Variants in SLC26A2 observed in about 807,000 individuals in gnomAD.
SLC26A2 encodes the protein sulfate transporter.
A neutral mutation model predicts 41.1 loss-of-function variants in SLC26A2; 36 were observed. The ratio of observed to expected loss-of-function variants is 0.88; its 90% CI spans 0.67 to 1.16. SLC26A2 has a LOEUF of 1.16. SLC26A2 is among the 50% of genes most tolerant of loss of function. The probability of loss-of-function intolerance (pLI) is 0.00; values close to 1 mark genes in which losing one functional copy is unlikely to be tolerated. For synonymous variants in SLC26A2, 291 were observed against 311.6 expected, an observed-to-expected ratio of 0.93 and a Z score of 0.70; for missense variants, 796 against 869.6, an observed-to-expected ratio of 0.92 and a Z score of 1.07.
Position 149,960,809 on chromosome 5 carries a change from G to T in SLC26A2, c.-196G>T, listed in dbSNP as rs1043216601. 6.6e-6 allele frequency: 1 copy of T among 152,364 alleles called. No homozygotes were observed. Among genetic ancestry groups the T allele is most frequent in the Admixed American group, 6.5e-5 (1 of 15,288 alleles). The allele number at this position is 152,364 out of a possible 1,614,324, so 9.4% of individuals were successfully genotyped here. ...CTCTTCGCCGGTGCGTCCTCGCCGCGCCCGTAGGTCCCGGCAGCCGGGCCC... is the reference window on the plus strand; with the variant it reads ...CTCTTCGCCGGTGCGTCCTCGCCGCTCCCGTAGGTCCCGGCAGCCGGGCCC... On this transcript the variant is annotated 5_prime_UTR_variant, in exon 1 of 3. Coordinates refer to ENST00000286298, the MANE Select transcript of SLC26A2 (RefSeq NM_000112.4).
chr5:149,980,367 T>A lies in SLC26A2; in HGVS notation c.774T>A (p.Thr258=). The A allele has an allele frequency of 6.2e-7, 1 of 1,614,070 alleles. No individual in the cohort carries two copies. The highest frequency in any genetic ancestry group is 2.2e-5 in the East Asian group (1 of 44,900). The change falls in exon 3 of 3, where the codon ACT becomes ACA. Residue 258 remains threonine (T), a synonymous_variant. Transcript: ENST00000286298. ...ATGCCTTGCTGAGTGGATTTGTCACTGGTGCCTCCTTCACTATTCTTACAT... is the reference window on the plus strand; with the variant it reads ...ATGCCTTGCTGAGTGGATTTGTCACAGGTGCCTCCTTCACTATTCTTACAT... ...LSDALLSGFV[T]GASFTILTSQ... is the part of the protein sequence containing the mutation.
Position 149,964,782 on chromosome 5 carries a change from T to TA in SLC26A2, c.-26+3809dup, listed in dbSNP as rs1754774099. ...ACAGAGTGAGACTCTGTCTCAAAAA[T>TA]AAAAAATTAAAAAAAAAATGTAGGT... On this transcript the variant is annotated intron_variant, in intron 1 of 2. Coordinates refer to ENST00000286298, the MANE Select transcript of SLC26A2 (RefSeq NM_000112.4). Among the ~76,000 whole-genome samples the TA allele has an allele frequency of 5.3e-5, 8 of 150,520 alleles. No individual in the cohort carries two copies. In the South Asian group the frequency reaches 1.7e-3, roughly 32 times the overall value.
At chr5:149,967,082 G>A (rs994692192) in intron 1 of SLC26A2, among the ~76,000 whole-genome samples, 3 of 152,204 alleles carry the variant, frequency 2.0e-5, no homozygotes, top group Non-Finnish European at 2.9e-5. Flanking sequence ...GGGATTGTTT[G>A]AGGCCAGGAG....
At chr5:149,965,210 C>T (rs1185770665) in intron 1 of SLC26A2, among the ~76,000 whole-genome samples, 4 of 152,014 alleles carry the variant, frequency 2.6e-5, no homozygotes, top group Non-Finnish European at 4.4e-5. Context: ...TGGCTGGGCG[C>T]GGTGGCTCAC....
chr5:149,961,887 T>G (rs1754713399), intron 1 of SLC26A2: 1 of 152,228 alleles, frequency 6.6e-6, no homozygotes, highest in South Asian at 2.1e-4. Flanking sequence ...GGACAGAGAC[T>G]AATAGCTGTC....
Position 149,981,379 on chromosome 5 carries a change from A to G in SLC26A2, c.1786A>G (p.Lys596Glu), listed in dbSNP as rs1387357203. 6.8e-6 allele frequency: 11 copies of G among 1,614,024 alleles called. No individual in the cohort carries two copies. Among genetic ancestry groups the G allele is most frequent in the Non-Finnish European group, 8.5e-7 (1 of 1,180,018 alleles). ...PLYYINKECF[K>E]SALYKQTVNP... ...CTACTACATAAACAAAGAATGCTTTAAATCTGCTTTATACAAACAAACTGT... is the reference window on the plus strand; with the variant it reads ...CTACTACATAAACAAAGAATGCTTTGAATCTGCTTTATACAAACAAACTGT... Residue 596 changes from lysine to glutamate, a missense_variant, in exon 3 of 3, where the codon AAA (lysine) becomes GAA (glutamate). Transcript: ENST00000286298.
rs1755075985 is a variant in SLC26A2 at position 149,980,483 on chromosome 5, T to C, written c.890T>C (p.Ile297Thr). The C allele has an allele frequency of 6.2e-7, 1 of 1,614,122 alleles. No individual in the cohort carries two copies. Among genetic ancestry groups the C allele is most frequent in the South Asian group, 1.1e-5 (1 of 91,072 alleles). Residue 297 changes from isoleucine to threonine, a missense_variant, in exon 3 of 3, where the codon ATC becomes ACC. Transcript: ENST00000286298. ...ITTWIHVFRN[I>T]HKTNLCDLIT... ...ACCTGGATACATGTCTTCAGAAACA[T>C]CCATAAGACCAATCTCTGTGATCTT...
In SLC26A2 at chr5:149,985,912, T is replaced by C. The variant is rs902809511; in HGVS notation, c.*4099T>C. The C allele has an allele frequency of 6.6e-6, 1 of 152,140 alleles. No individual in the cohort carries two copies. The highest frequency in any genetic ancestry group is 2.4e-5 in the African/African-American group (1 of 41,414). The allele number at this position is 152,140 out of a possible 1,614,324, so 9.4% of individuals were successfully genotyped here. On this transcript the variant is annotated 3_prime_UTR_variant, in exon 3 of 3. Coordinates refer to ENST00000286298, the MANE Select transcript of SLC26A2 (RefSeq NM_000112.4). ...GTGCTTTGTGGAGCATGTTGAAGCT[T>C]TGAGATCTGAGCAGGAGGCAGTGAT... is the stretch of plus-strand genomic sequence containing the variant.
rs186125318 is a variant in SLC26A2, at chr5:149,970,115, T to C, written c.-25-7513T>C. On this transcript the variant is annotated intron_variant, in intron 1 of 2. Coordinates refer to ENST00000286298, the MANE Select transcript of SLC26A2 (RefSeq NM_000112.4). ...ATAATTTCAGAAGTCTGAAGTGCTA[T>C]GAAGAAAATAAAGCCAGATAAGGAT... Among the ~76,000 whole-genome samples the C allele has an allele frequency of 1.3e-3, 191 of 152,310 alleles. 2 individuals carry two copies. Among genetic ancestry groups the C allele is most frequent in the African/African-American group, 4.2e-3 (176 of 41,552 alleles).
chr5:149,969,160 CTT>C (rs938642560), intron 1 of SLC26A2, among the ~76,000 whole-genome samples: 2 of 152,180 alleles, frequency 1.3e-5, no homozygotes, highest in Non-Finnish European at 2.9e-5. Context: ...CCATCAAAAA[CTT>C]TATTAGATAC....
intron 1 of SLC26A2, among the ~76,000 whole-genome samples, chr5:149,962,425 A>C (rs1015130817): frequency 1.3e-4 from 19 of 151,104 alleles, no homozygotes; most frequent in African/African-American, 3.9e-4. Context: ...TGCAGCATTG[A>C]CCTCGTGGGT....
At chr5:149,963,934 T>G (rs985105974) in intron 1 of SLC26A2, among the ~76,000 whole-genome samples, 3 of 151,892 alleles carry the variant, frequency 2.0e-5, no homozygotes, top group Non-Finnish European at 4.4e-5. Flanking sequence ...AAGGTGTCAT[T>G]TGAGGTTGGG....
chr5:149,974,972 C>T (rs1243623170), intron 1 of SLC26A2, among the ~76,000 whole-genome samples: 1 of 151,922 alleles, frequency 6.6e-6, no homozygotes, highest in Non-Finnish European at 1.5e-5. Context: ...TTACTTGGAT[C>T]TATATTTTGA....
chr5:149,980,764 A>G lies in SLC26A2; in HGVS notation c.1171A>G (p.Ile391Val), dbSNP rs759803722. Residue 391 changes from isoleucine (I) to valine (V), a missense_variant, in exon 3 of 3, where the codon ATC becomes GTC. Coordinates refer to ENST00000286298, the MANE Select transcript of SLC26A2 (RefSeq NM_000112.4). The stretch of plus-strand genomic sequence containing the variant: ...GGCTGTAGATGCAATAGCTATTTCC[A>G]TCATTGGTTTTGCTATCACTGTATC... ...SVAVDAIAIS[I>V]IGFAITVSLS... 11 of 1,614,058 alleles carry G rather than the reference A, an allele frequency of 6.8e-6. No individual in the cohort carries two copies. Among genetic ancestry groups the G allele is most frequent in the Admixed American group, 1.7e-5 (1 of 60,006 alleles).
At chr5:149,971,255 T>A (rs534355292) in intron 1 of SLC26A2, among the ~76,000 whole-genome samples, 33 of 152,344 alleles carry the variant, frequency 2.2e-4, no homozygotes, top group Non-Finnish European at 4.3e-4. Flanking sequence ...TACAGAAGGC[T>A]TTGCTCATCC....
intron 1 of SLC26A2, among the ~76,000 whole-genome samples, chr5:149,963,156 C>T (rs61030127): frequency 0.14 from 20,818 of 151,960 alleles, 1,653 homozygotes; most frequent in Admixed American, 0.27. Flanking sequence ...GTTGCCCAGG[C>T]TGGAGTGCGG....
chr5:149,980,728 A>C lies in SLC26A2; in HGVS notation c.1135A>C (p.Ile379Leu), dbSNP rs763790308. The C allele has an allele frequency of 1.5e-5, 25 of 1,613,774 alleles. No homozygotes were observed. Among genetic ancestry groups the C allele is most frequent in the Non-Finnish European group, 1.9e-5 (23 of 1,179,896 alleles). Residue 379 changes from isoleucine to leucine, a missense_variant, in exon 3 of 3, where the codon ATT becomes CTT. Physicochemically the swap from Ile to Leu is conservative, Grantham distance 5 (BLOSUM62 2). Coordinates refer to ENST00000286298, the MANE Select transcript of SLC26A2 (RefSeq NM_000112.4). ...MPPKVPEWNL[I>L]PSVAVDAIAI... is the part of the protein sequence containing the mutation. The stretch of plus-strand genomic sequence containing the variant: ...ACCCAAAGTACCAGAATGGAACCTA[A>C]TTCCTAGTGTGGCTGTAGATGCAAT...
chr5:149,963,836 G>A lies in SLC26A2; in HGVS notation c.-26+2857G>A, dbSNP rs961309277. On this transcript the variant is annotated intron_variant, in intron 1 of 2. Transcript: ENST00000286298. ...GCCTCAAAGTGATCTTCCTGCCTTG[G>A]CCTCTCAAAGCGCTGGGATTACAGA... is the stretch of plus-strand genomic sequence containing the variant. 2.9e-5 allele frequency among the ~76,000 whole-genome samples: 4 copies of A among 138,182 alleles called. No individual in the cohort carries two copies. In the South Asian group the frequency reaches 9.0e-4, roughly 31 times the overall value. The allele number at this position is 138,182 out of a possible 152,430, so 90.7% of individuals were successfully genotyped here.
chr5:149,986,142 T>C lies in SLC26A2; in HGVS notation c.*4329T>C, dbSNP rs1270984005. ...TTGGATTTAGGAAGCTGTTAGATCA[T>C]TGAGTGGTGTTGAGAGTGAAGTTTC... On this transcript the variant is annotated 3_prime_UTR_variant, in exon 3 of 3. Coordinates refer to ENST00000286298, the MANE Select transcript of SLC26A2 (RefSeq NM_000112.4). 1.3e-5 allele frequency: 2 copies of C among 152,146 alleles called. No individual in the cohort carries two copies. Among genetic ancestry groups the C allele is most frequent in the Non-Finnish European group, 2.9e-5 (2 of 68,032 alleles). 9.4% of individuals were successfully genotyped at this position (152,146 alleles called of 1,614,324 possible).
Sources: gnomAD v4.1 joint callset for allele counts (sites outside exome capture counted in the v4.1 genomes callset) on GRCh38, gnomAD v4.1.1 for gene constraint, MANE v1.5 for transcripts, NCBI Gene and HGNC (gene_info 2026-07-23, HGNC 2026-07-21) for gene names.